The following TSGA10IP variants were observed in gnomAD, a reference collection of about 807,000 sequenced individuals.
TSGA10IP encodes testis specific 10 interacting protein.
A neutral mutation model predicts 63.2 loss-of-function variants in TSGA10IP; 64 were observed. The observed-to-expected ratio is 1.01, with a 90% CI of 0.83 to 1.25. The LOEUF (loss-of-function observed/expected upper bound fraction) is 1.25. Among genes scored for constraint, TSGA10IP ranks in the 50% most tolerant of loss-of-function variants. The probability of loss-of-function intolerance (pLI) is 0.00; values close to 1 mark genes in which losing one functional copy is unlikely to be tolerated. For synonymous variants in TSGA10IP, 316 were observed against 298.3 expected (o/e 1.06, Z -0.61); for missense variants, 681 against 710.1 (o/e 0.96, Z 0.47).
chr11:65,953,830 G>A (rs896683942), intron 5 of TSGA10IP, 93 bp downstream of exon 5: 22 of 1,109,720 alleles, frequency 2.0e-5, no homozygotes, highest in Admixed American at 1.1e-4. Context: ...ACCAGCCCTC[G>A]CCTTCCCTGG....
At chr11:65,953,583 T>TGGGAGC in exon 5 of TSGA10IP, 1 of 1,590,332 alleles carries the variant, frequency 6.3e-7, no homozygotes, top group Non-Finnish European at 8.6e-7. Flanking sequence ...GCTGCAGGCC[T>TGGGAGC]GGGAGCGGCA....
In TSGA10IP at chr11:65,945,509, C is replaced by G. The variant is rs543315591; in HGVS notation, c.-167C>G. The G allele has an allele frequency of 1.2e-4, 89 of 724,086 alleles. No individual in the cohort carries two copies. In the African/African-American group the frequency reaches 1.4e-3, roughly 11 times the overall value. 44.9% of individuals were successfully genotyped at this position (724,086 alleles called of 1,614,324 possible). On this transcript the variant is annotated 5_prime_UTR_variant, in exon 1 of 8. Coordinates refer to ENST00000532620, the Ensembl canonical transcript of TSGA10IP. ...GCCTGGGTCTCTGCGCTAAATGACT[C>G]CTGGGCATCCTGCTGAACTCTCTCC...
exon 3 of TSGA10IP, chr11:65,947,254 G>C: frequency 2.5e-6 from 4 of 1,611,090 alleles, no homozygotes; most frequent in Non-Finnish European, 3.4e-6. Flanking sequence ...CGTTCTCCCA[G>C]CGTCAGTCCA....
intron 4 of TSGA10IP, among the ~76,000 whole-genome samples, chr11:65,949,150 G>A (rs1854899380): frequency 1.3e-5 from 2 of 152,138 alleles, no homozygotes; most frequent in Non-Finnish European, 2.9e-5. Context: ...GCTGCAGTGA[G>A]CCATGATGAC....
intron 5 of TSGA10IP, among the ~76,000 whole-genome samples, chr11:65,954,511 G>A (rs931492239): frequency 3.3e-5 from 5 of 151,934 alleles, no homozygotes; most frequent in African/African-American, 1.2e-4. Context: ...GTGGGCAAAC[G>A]TTTTTGGACT....
At chr11:65,956,171 C>G (rs1340548909) in intron 5 of TSGA10IP, among the ~76,000 whole-genome samples, 1 of 145,970 alleles carries the variant, frequency 6.9e-6, no homozygotes, top group Non-Finnish European at 1.5e-5. Context: ...GAGTTTCGCT[C>G]TTGTTGCCCA....
chr11:65,959,341 T>C (rs1169415217), intron 7 of TSGA10IP, 27 bp downstream of exon 7: 6 of 1,608,756 alleles, frequency 3.7e-6, no homozygotes, highest in Non-Finnish European at 5.1e-6. Flanking sequence ...GGTCAAGAAC[T>C]GACTCTGCCA....
At chr11:65,951,010 G>T (rs114843398) in intron 4 of TSGA10IP, among the ~76,000 whole-genome samples, 3,386 of 152,254 alleles carry the variant, frequency 0.022, 145 homozygotes, top group African/African-American at 0.077. Context: ...CCAGGTTTAT[G>T]CATGTTGTTG....
intron 4 of TSGA10IP, among the ~76,000 whole-genome samples, chr11:65,949,722 T>C (rs1854910934): frequency 6.6e-6 from 1 of 151,586 alleles, no homozygotes; most frequent in African/African-American, 2.4e-5. Context: ...GCCACAATTC[T>C]TTTTTTAAAA....
intron 7 of TSGA10IP, 51 bp downstream of exon 7, chr11:65,959,365 A>G: frequency 6.3e-7 from 1 of 1,593,868 alleles, no homozygotes; most frequent in South Asian, 1.1e-5. Flanking sequence ...TGCTGCGGGA[A>G]GGGGCGCCCA....
chr11:65,947,235 T>C (rs1395064113), exon 3 of TSGA10IP: 2 of 1,609,984 alleles, frequency 1.2e-6, no homozygotes, highest in Non-Finnish European at 8.5e-7. Context: ...GCCCTGCCCA[T>C]GCCCTCCTCG....
Position 65,947,844 on chromosome 11 carries a change from A to C in TSGA10IP, c.1003+16A>C. The C allele has an allele frequency of 2.0e-6, 3 of 1,533,976 alleles. No homozygotes were observed. Among genetic ancestry groups the C allele is most frequent in the Non-Finnish European group, 2.6e-6 (3 of 1,139,288 alleles). ...CTGGACTGTGGTGAGCGTGGGGCTC[A>C]GAGCCTGGATTCCCCCGAAGCTACA... On this transcript the variant is annotated intron_variant, in intron 3 of 7. Coordinates refer to ENST00000532620, the Ensembl canonical transcript of TSGA10IP.
intron 1 of TSGA10IP, among the ~76,000 whole-genome samples, chr11:65,946,488 A>G (rs906808025): frequency 6.6e-6 from 1 of 151,928 alleles, no homozygotes; most frequent in African/African-American, 2.4e-5. Context: ...CTGGAGTGCA[A>G]TGACACAATC....
At chr11:65,953,832 C>T in intron 5 of TSGA10IP, 95 bp downstream of exon 5, 3 of 1,086,170 alleles carry the variant, frequency 2.8e-6, no homozygotes, top group Non-Finnish European at 3.7e-6. Context: ...CAGCCCTCGC[C>T]TTCCCTGGGG....
chr11:65,946,812 G>A (rs1163891095), intron 1 of TSGA10IP, 68 bp from the exon 2 acceptor site: 32 of 1,546,034 alleles, frequency 2.1e-5, no homozygotes, highest in Middle Eastern at 2.0e-4. Flanking sequence ...GGGAGCACCC[G>A]GGTGAGGTGC....
At position 65,956,440 on chromosome 11, in the gene TSGA10IP, G is replaced by A. The variant is rs1855026459; in HGVS notation, c.1323-2443G>A. 2.0e-5 allele frequency among the ~76,000 whole-genome samples: 3 copies of A among 147,334 alleles called. No homozygotes were observed. In the South Asian group the frequency reaches 6.5e-4, roughly 32 times the overall value. Reference sequence around the variant, plus strand: ...GCGTGAGCCACCGCGCCCGGCCGAGGCTCAGTCTTAATCACCCCAATTTTA... The same window carrying A: ...GCGTGAGCCACCGCGCCCGGCCGAGACTCAGTCTTAATCACCCCAATTTTA... On this transcript the variant is annotated intron_variant, in intron 5 of 7. Coordinates refer to ENST00000532620, the Ensembl canonical transcript of TSGA10IP.
At chr11:65,950,968 T>G (rs1165547356) in intron 4 of TSGA10IP, among the ~76,000 whole-genome samples, 1 of 152,238 alleles carries the variant, frequency 6.6e-6, no homozygotes, top group Non-Finnish European at 1.5e-5. Flanking sequence ...TGTTTTCCTG[T>G]GCCTGGCTTA....
exon 3 of TSGA10IP, chr11:65,947,223 A>G (rs750285099): frequency 1.4e-5 from 22 of 1,608,816 alleles, no homozygotes. Context: ...CCTGGCCACC[A>G]AGCCCTGCCC....
intron 5 of TSGA10IP, among the ~76,000 whole-genome samples, chr11:65,958,326 A>G (rs1026508580): frequency 6.6e-6 from 1 of 152,134 alleles, no homozygotes; most frequent in African/African-American, 2.4e-5. Flanking sequence ...AATTTGAAAC[A>G]TATTTTTTTT....
Sources: gnomAD v4.1 joint callset for allele counts (sites outside exome capture counted in the v4.1 genomes callset) on GRCh38, gnomAD v4.1.1 for gene constraint, MANE v1.5 for transcripts, NCBI Gene and HGNC (gene_info 2026-07-23, HGNC 2026-07-21) for gene names.